PTGER3: variants seen among roughly 807,000 people sequenced by gnomAD.
The protein encoded by PTGER3 is prostaglandin E receptor 3.
In PTGER3, 22 loss-of-function variants were observed where a neutral mutation model predicts 34.7. The observed-to-expected ratio is 0.63, with a 90% CI of 0.45 to 0.91. The LOEUF (loss-of-function observed/expected upper bound fraction) is 0.91, where lower values mean the gene tolerates loss of function less well. Among genes scored for constraint, PTGER3 ranks in the 40% least tolerant of loss-of-function variants. The pLI is 0.00. For missense variants in PTGER3, 468 were observed against 519.4 expected (o/e 0.90, Z 0.96); for synonymous variants, 241 against 230.1 (o/e 1.05, Z -0.43).
chr1:70,976,827 T>C (rs1653755263), intron 2 of PTGER3, among the ~76,000 whole-genome samples: 1 of 152,140 alleles, frequency 6.6e-6, no homozygotes, highest in African/African-American at 2.4e-5. Context: ...AACGAGCCTC[T>C]CTTAGACATA....
At chr1:70,980,029 A>C (rs1221704920) in intron 2 of PTGER3, among the ~76,000 whole-genome samples, 1 of 108,114 alleles carries the variant, frequency 9.2e-6, no homozygotes, top group Non-Finnish European at 2.0e-5. Flanking sequence ...GAAAGGGGAA[A>C]TATTAAAGTA....
In PTGER3 at chr1:71,047,297, C is replaced by T; in HGVS notation, c.281G>A (p.Trp94Ter). 1.2e-6 allele frequency: 2 copies of T among 1,602,808 alleles called. No individual in the cohort carries two copies. The highest frequency in any genetic ancestry group is 1.7e-6 in the Non-Finnish European group (2 of 1,175,356). The change falls in exon 1 of 4, where the codon TGG (tryptophan) becomes TAG (stop). Residue 94 changes from tryptophan (W) to a stop codon, truncating the protein, a stop_gained. Transcript: ENST00000306666. LOFTEE classifies it high-confidence loss of function. ...CCCGACCAGGTCGGTGAGCGCCAGCCAGCCGATGCACAGCAGGAAGGACTT... is the reference window on the plus strand; with the variant it reads ...CCCGACCAGGTCGGTGAGCGCCAGCTAGCCGATGCACAGCAGGAAGGACTT... ...RKKSFLLCIGWLALTDLVGQL... is the reference protein window; with the variant it reads ...RKKSFLLCIG
chr1:71,030,540 G>A (rs1659317330), intron 1 of PTGER3, among the ~76,000 whole-genome samples: 1 of 152,168 alleles, frequency 6.6e-6, no homozygotes, highest in African/African-American at 2.4e-5. Flanking sequence ...TGTTTGCCTA[G>A]TAAAACTTTA....
chr1:70,987,740 A>G lies in PTGER3; in HGVS notation c.1078-13352T>C, dbSNP rs193197926. 5.4e-3 allele frequency among the ~76,000 whole-genome samples: 823 copies of G among 152,298 alleles called. 6 individuals are homozygous for G. The highest frequency in any genetic ancestry group is 8.5e-3 in the Non-Finnish European group (575 of 68,024). ...ACCCAATATAATCAAATTAAATCCC[A>G]GCTAGTGTGACACTGCCATAAGAAT... is the stretch of plus-strand genomic sequence containing the variant. On this transcript the variant is annotated intron_variant, in intron 2 of 3. Coordinates refer to ENST00000306666, the MANE Select transcript of PTGER3 (RefSeq NM_198719.2).
intron 4 of PTGER3, among the ~76,000 whole-genome samples, chr1:70,916,055 A>G (rs1647168847): frequency 6.6e-6 from 1 of 151,914 alleles, no homozygotes; most frequent in African/African-American, 2.4e-5. Flanking sequence ...AGATAACCCA[A>G]TTTAAAAAAA....
intron 2 of PTGER3, among the ~76,000 whole-genome samples, chr1:70,982,078 C>T (rs1273624486): frequency 1.3e-5 from 2 of 152,112 alleles, no homozygotes; most frequent in East Asian, 1.9e-4. Flanking sequence ...GAGTACAAAA[C>T]TTTCTTTAAT....
At chr1:70,854,628 C>T (rs1285625494) in intron 4 of PTGER3, among the ~76,000 whole-genome samples, 5 of 152,104 alleles carry the variant, frequency 3.3e-5, no homozygotes, top group Non-Finnish European at 5.9e-5. Context: ...TCCTGCTGCA[C>T]CATGGTAAAA....
intron 3 of PTGER3, among the ~76,000 whole-genome samples, chr1:70,972,987 T>A (rs1226501590): frequency 1.3e-5 from 2 of 152,086 alleles, no homozygotes; most frequent in Non-Finnish European, 2.9e-5. Context: ...TAATAAGATT[T>A]ACTTTAAAAA....
chr1:70,856,109 GAA>G (rs1198428479), intron 4 of PTGER3, among the ~76,000 whole-genome samples: 1 of 151,868 alleles, frequency 6.6e-6, no homozygotes, highest in Non-Finnish European at 1.5e-5. Flanking sequence ...CTCTGAAAGA[GAA>G]AAAAATGCTT....
At chr1:70,920,288 T>C (rs144793873) in intron 4 of PTGER3, among the ~76,000 whole-genome samples, 6 of 152,324 alleles carry the variant, frequency 3.9e-5, no homozygotes, top group African/African-American at 1.4e-4. Context: ...TTTCATGCCC[T>C]TCCAGACTTG....
At chr1:71,022,730 CACAG>C (rs1658535763) in intron 1 of PTGER3, among the ~76,000 whole-genome samples, 1 of 151,032 alleles carries the variant, frequency 6.6e-6, no homozygotes, top group Admixed American at 6.6e-5. Flanking sequence ...CACACATATA[CACAG>C]GCACACACAC....
chr1:70,856,389 G>C (rs1163680402), intron 4 of PTGER3, among the ~76,000 whole-genome samples: 1 of 139,152 alleles, frequency 7.2e-6, no homozygotes, highest in African/African-American at 2.7e-5. Flanking sequence ...GCAGTGAGTC[G>C]ATATTGCACC....
At chr1:71,046,640 G>T in intron 1 of PTGER3, 41 bp downstream of exon 1, 1 of 1,505,906 alleles carries the variant, frequency 6.6e-7, no homozygotes, top group Non-Finnish European at 8.8e-7. Context: ...CCGCTTACTC[G>T]CACACGCATC....
intron 4 of PTGER3, among the ~76,000 whole-genome samples, chr1:70,943,866 G>GAGAA (rs1333556078): frequency 6.6e-6 from 1 of 151,654 alleles, no homozygotes; most frequent in Non-Finnish European, 1.5e-5. Flanking sequence ...GAGAGAGAGA[G>GAGAA]AGAGAGAGAG....
At chr1:71,023,300 A>G (rs920808561) in intron 1 of PTGER3, among the ~76,000 whole-genome samples, 2 of 151,840 alleles carry the variant, frequency 1.3e-5, no homozygotes, top group African/African-American at 4.9e-5. Flanking sequence ...CTTCCCTAAT[A>G]TTCGAGTCAC....
At chr1:70,910,397 A>G (rs536877971) in intron 4 of PTGER3, among the ~76,000 whole-genome samples, 2 of 152,126 alleles carry the variant, frequency 1.3e-5, no homozygotes, top group South Asian at 4.2e-4. Context: ...TTGTGACTTT[A>G]TTTTTTATTT....
At chr1:71,041,807 A>G (rs1660336652) in intron 1 of PTGER3, among the ~76,000 whole-genome samples, 1 of 152,238 alleles carries the variant, frequency 6.6e-6, no homozygotes, top group Non-Finnish European at 1.5e-5. Context: ...GCAGGTTGCA[A>G]AAATGTTACG....
At chr1:70,984,748 AT>A (rs1169400920) in intron 2 of PTGER3, among the ~76,000 whole-genome samples, 1 of 152,134 alleles carries the variant, frequency 6.6e-6, no homozygotes, top group Admixed American at 6.5e-5. Context: ...TTAAAAAAAA[AT>A]TTTAAGTCAA....
At chr1:70,976,267 G>T (rs901842172) in intron 2 of PTGER3, among the ~76,000 whole-genome samples, 1 of 152,066 alleles carries the variant, frequency 6.6e-6, no homozygotes, top group African/African-American at 2.4e-5. Context: ...AATAGTGGAC[G>T]CGTCATTATA....
Sources: gnomAD v4.1 joint callset for allele counts (sites outside exome capture counted in the v4.1 genomes callset) on GRCh38, gnomAD v4.1.1 for gene constraint, MANE v1.5 for transcripts, NCBI Gene and HGNC (gene_info 2026-07-23, HGNC 2026-07-21) for gene names.